The following PRR16 variants were observed in gnomAD, a reference collection of about 807,000 sequenced individuals.
PRR16 encodes the protein proline rich 16, also known as protein Largen.
Under a neutral mutation model 18.2 loss-of-function variants are expected in PRR16, and 6 were observed. The ratio of observed to expected loss-of-function variants is 0.33; its 90% CI spans 0.18 to 0.65. The LOEUF (loss-of-function observed/expected upper bound fraction) is 0.65, where lower values mean the gene tolerates loss of function less well. Among genes scored for constraint, PRR16 ranks in the 30% least tolerant of loss-of-function variants. The pLI is 0.74. For synonymous variants in PRR16, 151 were observed against 147.8 expected (o/e 1.02, Z -0.16); for missense variants, 412 against 376.6 (o/e 1.09, Z -0.78).
intron 1 of PRR16, among the ~76,000 whole-genome samples, chr5:120,507,709 A>G (rs189597801): frequency 1.6e-4 from 25 of 152,116 alleles, no homozygotes; most frequent in Non-Finnish European, 3.5e-4. Flanking sequence ...CTTACCAACA[A>G]CTGCTAAGGA....
the PRR16 span, among the ~76,000 whole-genome samples, chr5:120,759,604 G>T: frequency 4.2e-4 from 64 of 152,144 alleles, no homozygotes; most frequent in Non-Finnish European, 8.2e-4. Flanking sequence ...TGTAATGGTG[G>T]ACTTGTAACA....
intron 1 of PRR16, among the ~76,000 whole-genome samples, chr5:120,573,905 A>G (rs200125482): frequency 1.2e-5 from 1 of 82,312 alleles, no homozygotes; most frequent in Non-Finnish European, 2.7e-5. Flanking sequence ...ATATGTGTGT[A>G]TATATATATA....
At chr5:120,699,738 T>C in the PRR16 span, among the ~76,000 whole-genome samples, 1 of 152,050 alleles carries the variant, frequency 6.6e-6, no homozygotes, top group African/African-American at 2.4e-5. Context: ...GGCTACAGGG[T>C]GTGGTCCTGG....
intron 1 of PRR16, among the ~76,000 whole-genome samples, chr5:120,620,455 C>T (rs74954625): frequency 0.016 from 2,447 of 152,150 alleles, 70 homozygotes; most frequent in African/African-American, 0.055. Flanking sequence ...GATATTATTC[C>T]TGAGAAGCAT....
At chr5:120,734,667 A>C in the PRR16 span, among the ~76,000 whole-genome samples, 1 of 152,236 alleles carries the variant, frequency 6.6e-6, no homozygotes, top group Admixed American at 6.5e-5. Context: ...TAAAAGGCAA[A>C]GTTGTATATA....
At chr5:120,775,240 T>A in the PRR16 span, among the ~76,000 whole-genome samples, 16 of 152,198 alleles carry the variant, frequency 1.1e-4, no homozygotes, top group Non-Finnish European at 1.6e-4. Context: ...TTATTTTGCA[T>A]AATAGCATAT....
At chr5:120,690,764 T>A (rs114468398), downstream of PRR16, among the ~76,000 whole-genome samples, 583 of 152,276 alleles carry the variant, frequency 3.8e-3, 6 homozygotes, top group African/African-American at 0.014. Flanking sequence ...CACAGTAGTG[T>A]TGAACATAAA....
the PRR16 span, among the ~76,000 whole-genome samples, chr5:120,735,208 CA>C: frequency 1.2e-4 from 18 of 152,136 alleles, no homozygotes; most frequent in Non-Finnish European, 1.0e-4. Context: ...TTTTTAAAGG[CA>C]AAATGCTGTC....
the PRR16 span, among the ~76,000 whole-genome samples, chr5:120,747,786 G>GGAAA: frequency 6.6e-6 from 1 of 151,626 alleles, no homozygotes; most frequent in African/African-American, 2.4e-5. Context: ...AGAAAAAGAA[G>GGAAA]GAAAGAAAGA....
intron 1 of PRR16, among the ~76,000 whole-genome samples, chr5:120,536,726 A>G (rs1251959787): frequency 2.0e-5 from 3 of 152,234 alleles, no homozygotes; most frequent in Admixed American, 6.5e-5. Context: ...CCTTTGATCC[A>G]CTAATATAGT....
the PRR16 span, among the ~76,000 whole-genome samples, chr5:120,745,553 A>C: frequency 6.7e-5 from 10 of 149,486 alleles, no homozygotes; most frequent in African/African-American, 2.3e-4. Context: ...ATTAAAACAA[A>C]AACAACAACA....
the PRR16 span, among the ~76,000 whole-genome samples, chr5:120,720,350 C>T: frequency 6.6e-6 from 1 of 151,656 alleles, no homozygotes; most frequent in Non-Finnish European, 1.5e-5. Flanking sequence ...ATTAAATTTC[C>T]TTTTGACCCA....
At chr5:120,659,090 A>G (rs1298697572) in intron 1 of PRR16, among the ~76,000 whole-genome samples, 3 of 151,942 alleles carry the variant, frequency 2.0e-5, no homozygotes, top group Non-Finnish European at 4.4e-5. Context: ...TTCATGAACC[A>G]TACTTTAAAA....
At chr5:120,745,614 C>T in the PRR16 span, among the ~76,000 whole-genome samples, 5,071 of 152,074 alleles carry the variant, frequency 0.033, 220 homozygotes, top group African/African-American at 0.099. Flanking sequence ...TTATGGCCTC[C>T]AGTGTATTAG....
intron 1 of PRR16, among the ~76,000 whole-genome samples, chr5:120,608,978 A>C (rs1754245530): frequency 6.6e-6 from 1 of 152,194 alleles, no homozygotes; most frequent in African/African-American, 2.4e-5. Flanking sequence ...TTCTGTTAAG[A>C]AAATTAATCC....
intron 1 of PRR16, among the ~76,000 whole-genome samples, chr5:120,525,979 A>G (rs1372516162): frequency 6.6e-6 from 1 of 152,192 alleles, no homozygotes; most frequent in African/African-American, 2.4e-5. Flanking sequence ...ATTAAACCAG[A>G]TCTGAAGAAA....
chr5:120,704,831 CAGTA>C, the PRR16 span, among the ~76,000 whole-genome samples: 1 of 152,136 alleles, frequency 6.6e-6, no homozygotes. Context: ...AGTATATAGT[CAGTA>C]CTTATGAAGC....
intron 1 of PRR16, among the ~76,000 whole-genome samples, chr5:120,478,783 A>C (rs1401354547): frequency 6.6e-6 from 1 of 152,140 alleles, no homozygotes. Context: ...CTTCTAATAG[A>C]ATATATAAAC....
At chr5:120,624,750 A>G (rs1312673256) in intron 1 of PRR16, among the ~76,000 whole-genome samples, 1 of 152,168 alleles carries the variant, frequency 6.6e-6, no homozygotes, top group Non-Finnish European at 1.5e-5. Context: ...GGCTACTGAT[A>G]TGGTATGGCT....
Sources: allele counts gnomAD v4.1 joint callset (sites outside exome capture counted in the v4.1 genomes callset), GRCh38; gene constraint gnomAD v4.1.1; transcripts MANE v1.5; gene names NCBI Gene and HGNC (gene_info 2026-07-23, HGNC 2026-07-21).